Variants in KCNJ3 observed in about 807,000 individuals in gnomAD.
KCNJ3 encodes G protein-activated inward rectifier potassium channel 1.
KCNJ3 carries 4 observed loss-of-function variants against 39.2 expected under a neutral mutation model. The observed-to-expected ratio is 0.10, with a 90% confidence interval of 0.05 to 0.23. The LOEUF is 0.23. KCNJ3 is among the 10% of genes least tolerant of loss of function. The probability of loss-of-function intolerance (pLI) is 1.00; values close to 1 mark genes in which losing one functional copy is unlikely to be tolerated. For missense variants in KCNJ3, 276 were observed against 634.9 expected, an observed-to-expected ratio of 0.43 and a Z score of 6.08; for synonymous variants, 230 against 237.4, an observed-to-expected ratio of 0.97 and a Z score of 0.29.
chr2:154,793,496 A>C (rs758722627), intron 2 of KCNJ3, among the ~76,000 whole-genome samples: 3 of 151,978 alleles, frequency 2.0e-5, no homozygotes, highest in Non-Finnish European at 2.9e-5. Context: ...AAAAAATATG[A>C]TTTCCAGGAC....
chr2:154,747,665 C>T (rs543812967), intron 2 of KCNJ3, among the ~76,000 whole-genome samples: 1 of 152,004 alleles, frequency 6.6e-6, no homozygotes, highest in South Asian at 2.1e-4. Flanking sequence ...GAGGTTATTG[C>T]TTTAATTTGA....
At chr2:154,838,948 GTATT>G (rs966063315) in intron 2 of KCNJ3, among the ~76,000 whole-genome samples, 4 of 149,418 alleles carry the variant, frequency 2.7e-5, no homozygotes, top group African/African-American at 1.0e-4. Context: ...TTTTATGTAT[GTATT>G]TATTTTTATT....
chr2:154,835,723 C>G (rs1406624379), intron 2 of KCNJ3, among the ~76,000 whole-genome samples: 2 of 151,838 alleles, frequency 1.3e-5, no homozygotes, highest in South Asian at 4.2e-4. Context: ...TAGACGTTAG[C>G]TATGTCATTT....
intron 2 of KCNJ3, among the ~76,000 whole-genome samples, chr2:154,806,128 G>T (rs921261527): frequency 1.3e-5 from 2 of 152,108 alleles, no homozygotes; most frequent in African/African-American, 2.4e-5. Flanking sequence ...CTCGAGAATT[G>T]TGAAGGTTCT....
chr2:154,761,481 A>G (rs1686045641), intron 2 of KCNJ3, among the ~76,000 whole-genome samples: 1 of 152,198 alleles, frequency 6.6e-6, no homozygotes, highest in Admixed American at 6.5e-5. Context: ...AGCTCTAGAA[A>G]AAGGCTTACT....
At chr2:154,828,051 T>C (rs1211014996) in intron 2 of KCNJ3, among the ~76,000 whole-genome samples, 1 of 152,190 alleles carries the variant, frequency 6.6e-6, no homozygotes, top group Admixed American at 6.5e-5. Flanking sequence ...ATGAATTCTT[T>C]TCACATTAAA....
At chr2:154,723,097 A>G (rs1685292662) in intron 2 of KCNJ3, among the ~76,000 whole-genome samples, 1 of 152,014 alleles carries the variant, frequency 6.6e-6, no homozygotes, top group Non-Finnish European at 1.5e-5. Flanking sequence ...AACCTGGGCA[A>G]TATAAGAAGA....
intron 2 of KCNJ3, among the ~76,000 whole-genome samples, chr2:154,747,776 A>G (rs1044463157): frequency 6.6e-6 from 1 of 152,078 alleles, no homozygotes; most frequent in Admixed American, 6.6e-5. Flanking sequence ...ACTTATAGAA[A>G]CCCAGATAAA....
intron 2 of KCNJ3, among the ~76,000 whole-genome samples, chr2:154,725,683 C>T (rs1685341504): frequency 6.6e-6 from 1 of 152,088 alleles, no homozygotes; most frequent in Admixed American, 6.5e-5. Context: ...CTGGAGGTGT[C>T]ACATTACCCA....
chr2:154,767,088 C>T (rs1055075851), intron 2 of KCNJ3, among the ~76,000 whole-genome samples: 1 of 151,996 alleles, frequency 6.6e-6, no homozygotes, highest in Non-Finnish European at 1.5e-5. Context: ...CAGTAATTTT[C>T]ACTCATTTGT....
chr2:154,747,489 A>G (rs1473759676), intron 2 of KCNJ3, among the ~76,000 whole-genome samples: 2 of 152,022 alleles, frequency 1.3e-5, no homozygotes, highest in African/African-American at 2.4e-5. Flanking sequence ...GTGTGGACCC[A>G]TTAAGGAAGA....
Position 154,719,234 on chromosome 2 carries a change from C to A in KCNJ3, c.919+9415C>A, listed in dbSNP as rs150692535. ...GTAAAAGCACTAAAGTATAGGACTC[C>A]TCCATCTAGCAACTAGGAAAGCCAC... On this transcript the variant is annotated intron_variant, in intron 2 of 2. Coordinates refer to ENST00000295101, the MANE Select transcript of KCNJ3 (RefSeq NM_002239.4). Among the ~76,000 whole-genome samples the A allele has an allele frequency of 8.5e-5, 13 of 152,252 alleles. No individual in the cohort carries two copies. The East Asian group carries it at 2.5e-3, about 29-fold the overall frequency.
chr2:154,726,495 CT>C (rs1685360231), intron 2 of KCNJ3, among the ~76,000 whole-genome samples: 1 of 152,046 alleles, frequency 6.6e-6, no homozygotes, highest in Non-Finnish European at 1.5e-5. Flanking sequence ...AAAAGGAACA[CT>C]TTTACACTGC....
At chr2:154,744,765 T>C (rs1685708859) in intron 2 of KCNJ3, among the ~76,000 whole-genome samples, 1 of 151,878 alleles carries the variant, frequency 6.6e-6, no homozygotes, top group Admixed American at 6.6e-5. Flanking sequence ...ACCAGGTACA[T>C]GTCACATTGA....
intron 2 of KCNJ3, among the ~76,000 whole-genome samples, chr2:154,782,720 G>C (rs139637242): frequency 5.3e-5 from 8 of 152,234 alleles, no homozygotes; most frequent in African/African-American, 1.9e-4. Flanking sequence ...TTTTCTCACA[G>C]TGTTCTACAA....
At chr2:154,815,213 G>A (rs1687063548) in intron 2 of KCNJ3, among the ~76,000 whole-genome samples, 1 of 151,864 alleles carries the variant, frequency 6.6e-6, no homozygotes, top group Admixed American at 6.6e-5. Context: ...CCTTAAGGAA[G>A]AGAGCCTTCT....
chr2:154,841,298 GAT>G (rs1282939364), intron 2 of KCNJ3, among the ~76,000 whole-genome samples: 1 of 152,084 alleles, frequency 6.6e-6, no homozygotes, highest in Non-Finnish European at 1.5e-5. Flanking sequence ...GATTGTGGTG[GAT>G]AAGCTTTTTG....
chr2:154,738,855 C>T (rs1307484706), intron 2 of KCNJ3, among the ~76,000 whole-genome samples: 1 of 151,746 alleles, frequency 6.6e-6, no homozygotes, highest in Non-Finnish European at 1.5e-5. Context: ...TCACCAAAAG[C>T]TCCACATCGT....
chr2:154,736,256 T>C (rs1326102472), intron 2 of KCNJ3, among the ~76,000 whole-genome samples: 1 of 151,772 alleles, frequency 6.6e-6, no homozygotes, highest in African/African-American at 2.4e-5. Flanking sequence ...CATTTTAATA[T>C]TTAGAAACTG....
Sources: allele counts gnomAD v4.1 joint callset (sites outside exome capture counted in the v4.1 genomes callset), GRCh38; gene constraint gnomAD v4.1.1; transcripts MANE v1.5; gene names NCBI Gene and HGNC (gene_info 2026-07-23, HGNC 2026-07-21).